The following ZBTB38 variants were observed in gnomAD, a reference collection of about 807,000 sequenced individuals.
The protein encoded by ZBTB38 is zinc finger and BTB domain containing 38.
A neutral mutation model predicts 76.8 loss-of-function variants in ZBTB38; 20 were observed. That is an observed-to-expected ratio of 0.26 (90% CI 0.18 to 0.38). The LOEUF (loss-of-function observed/expected upper bound fraction) is 0.38, where lower values mean the gene tolerates loss of function less well. Ranked by LOEUF, ZBTB38 falls within the 10% of genes least tolerant of loss-of-function variation. The pLI, the probability that ZBTB38 is intolerant of heterozygous loss-of-function variation, is 1.00. For missense variants in ZBTB38, 1,082 were observed against 1,482.3 expected, an observed-to-expected ratio of 0.73 and a Z score of 4.43; for synonymous variants, 504 against 544.2, an observed-to-expected ratio of 0.93 and a Z score of 1.03.
intron 2 of ZBTB38, among the ~76,000 whole-genome samples, chr3:141,379,349 T>A (rs764490203): frequency 2.0e-5 from 3 of 151,844 alleles, no homozygotes; most frequent in Admixed American, 6.6e-5. Flanking sequence ...TGCAGAGGAG[T>A]CCCCAGCATC....
At chr3:141,363,175 G>A (rs1026918270) in intron 1 of ZBTB38, among the ~76,000 whole-genome samples, 9 of 152,218 alleles carry the variant, frequency 5.9e-5, no homozygotes, top group East Asian at 1.9e-4. Flanking sequence ...TAAAATACTC[G>A]AGAATAAATT....
rs1036797829 is a variant in ZBTB38 at position 141,356,673 on chromosome 3, A to G, written c.-738-11948A>G. The stretch of plus-strand genomic sequence containing the variant: ...CCTGCTCTCCTCATCGAGTTGGTCA[A>G]TTGGTCAAGTGCTCTGGCTGTATCA... On this transcript the variant is annotated intron_variant, in intron 1 of 7. Coordinates refer to the ZBTB38 transcript ENST00000509842. 5.3e-5 allele frequency among the ~76,000 whole-genome samples: 8 copies of G among 152,230 alleles called. 1 individual carries two copies. The highest frequency in any genetic ancestry group is 4.6e-4 in the Admixed American group (7 of 15,274).
intron 5 of ZBTB38, among the ~76,000 whole-genome samples, chr3:141,408,446 C>T (rs1043037089): frequency 2.0e-5 from 3 of 152,026 alleles, no homozygotes; most frequent in African/African-American, 7.2e-5. Context: ...ACTTGTGAGG[C>T]TGAGGCAGGA....
At chr3:141,427,236 G>A (rs1308324305) in intron 5 of ZBTB38, among the ~76,000 whole-genome samples, 1 of 152,204 alleles carries the variant, frequency 6.6e-6, no homozygotes, top group Admixed American at 6.5e-5. Context: ...CTGGTCAACA[G>A]TCTCAGCCCT....
At chr3:141,341,000 A>G (rs1360444215) in intron 1 of ZBTB38, among the ~76,000 whole-genome samples, 1 of 149,180 alleles carries the variant, frequency 6.7e-6, no homozygotes, top group African/African-American at 2.5e-5. Flanking sequence ...GAGAAAGAAG[A>G]AAGAAAGAAA....
chr3:141,389,859 CTTTATAGAATGTCGATTCTT>C (rs1260860372), intron 4 of ZBTB38: 4 of 152,136 alleles, frequency 2.6e-5, no homozygotes, highest in Admixed American at 2.6e-4. Context: ...TGTATTTCTT[CTTTATAGAATGTCGATTCTT>C]TTGTTTGTGA....
chr3:141,394,009 TTTTC>T (rs1452670813), intron 4 of ZBTB38, among the ~76,000 whole-genome samples: 1 of 121,860 alleles, frequency 8.2e-6, no homozygotes, highest in African/African-American at 4.3e-5. Context: ...TCTTTCTTTC[TTTTC>T]TTTCTTTTTT....
At chr3:141,437,789 G>C (rs574958286) in intron 5 of ZBTB38, among the ~76,000 whole-genome samples, 78 of 152,278 alleles carry the variant, frequency 5.1e-4, no homozygotes, top group African/African-American at 1.8e-3. Context: ...TACCTCCCAG[G>C]TGATTTTGAT....
At position 141,443,550 on chromosome 3, in the gene ZBTB38, C is replaced by T. The variant is rs772080387; in HGVS notation, c.1162C>T (p.Arg388Trp). ...ATTCACCACCCTGAACAGGTTGGAT[C>T]GGCATGAACAGATCTGCATGAGGTC... ...KQFTTLNRLDRHEQICMRSSH... is the reference protein window; with the variant it reads ...KQFTTLNRLDWHEQICMRSSH... The change falls in exon 6 of 6, where the codon CGG becomes TGG. Residue 388 changes from arginine to tryptophan, a missense_variant. This residue lies in a region of ZBTB38 where 324 missense variants were observed against 359.1 expected (regional missense o/e 0.90). Transcript: ENST00000321464. The surrounding 1 kb of genome is among the most constrained non-coding windows in gnomAD (Gnocchi z 5.6). 1 of 1,614,182 alleles carries T rather than the reference C, an allele frequency of 6.2e-7. No homozygotes were observed. Among genetic ancestry groups the T allele is most frequent in the Non-Finnish European group, 8.5e-7 (1 of 1,180,040 alleles).
At chr3:141,354,559 T>C (rs1464526603) in intron 1 of ZBTB38, among the ~76,000 whole-genome samples, 2 of 152,098 alleles carry the variant, frequency 1.3e-5, no homozygotes, top group Non-Finnish European at 2.9e-5. Context: ...CCAGGGAGCC[T>C]TCCTGACTGG....
intron 2 of ZBTB38, among the ~76,000 whole-genome samples, chr3:141,377,580 G>A (rs1242188393): frequency 6.6e-6 from 1 of 152,150 alleles, no homozygotes; most frequent in Non-Finnish European, 1.5e-5. Flanking sequence ...CTTACCACGT[G>A]ATCCAGCAAT....
chr3:141,392,513 C>T (rs1949196630), intron 4 of ZBTB38, among the ~76,000 whole-genome samples: 1 of 152,140 alleles, frequency 6.6e-6, no homozygotes, highest in Non-Finnish European at 1.5e-5. Flanking sequence ...TCTTAATGGC[C>T]TTTTATACTG....
intron 1 of ZBTB38, among the ~76,000 whole-genome samples, chr3:141,350,656 A>C (rs768204138): frequency 6.6e-6 from 1 of 152,184 alleles, no homozygotes; most frequent in African/African-American, 2.4e-5. Context: ...TAGGTGATCA[A>C]TTTTCTTTGA....
intron 1 of ZBTB38, among the ~76,000 whole-genome samples, chr3:141,354,296 C>A (rs1943600513): frequency 6.6e-6 from 1 of 152,106 alleles, no homozygotes; most frequent in South Asian, 2.1e-4. Context: ...GAGCTGAAAA[C>A]CCAGCTGCCC....
intron 1 of ZBTB38, among the ~76,000 whole-genome samples, chr3:141,337,234 A>G (rs1356989156): frequency 1.3e-5 from 2 of 152,178 alleles, no homozygotes; most frequent in African/African-American, 4.8e-5. Flanking sequence ...CTGCAACTTG[A>G]ATTTTTTACT....
chr3:141,422,226 C>T (rs2075548678), intron 5 of ZBTB38, among the ~76,000 whole-genome samples: 1 of 152,226 alleles, frequency 6.6e-6, no homozygotes, highest in Non-Finnish European at 1.5e-5. Context: ...ACCGTTCACT[C>T]AGGGGGACAG....
At chr3:141,427,245 C>A (rs954931434) in intron 5 of ZBTB38, among the ~76,000 whole-genome samples, 2 of 152,130 alleles carry the variant, frequency 1.3e-5, no homozygotes, top group African/African-American at 2.4e-5. Context: ...AGTCTCAGCC[C>A]TCATATAATT....
chr3:141,332,102 G>A (rs912691110), intron 1 of ZBTB38, among the ~76,000 whole-genome samples: 9 of 152,178 alleles, frequency 5.9e-5, no homozygotes, highest in Admixed American at 6.5e-5. Flanking sequence ...GCAGCTTGAT[G>A]TCTCATTTTT....
intron 2 of ZBTB38, among the ~76,000 whole-genome samples, chr3:141,374,116 GAA>G (rs61344668): frequency 7.6e-6 from 1 of 131,738 alleles, no homozygotes; most frequent in African/African-American, 2.8e-5. Flanking sequence ...GGCAACAGAG[GAA>G]AAAAAAAAAA....
Sources: gnomAD v4.1 joint callset for allele counts (sites outside exome capture counted in the v4.1 genomes callset) on GRCh38, gnomAD v4.1.1 for gene constraint, gnomAD v4.1.1 regional missense constraint, Gnocchi (gnomAD v3.1) non-coding constraint, MANE v1.5 for transcripts, NCBI Gene and HGNC (gene_info 2026-07-23, HGNC 2026-07-21) for gene names.